The following FBXL13 variants were observed in gnomAD, a reference collection of about 807,000 sequenced individuals.
The protein encoded by FBXL13 is F-box and leucine rich repeat protein 13.
FBXL13 carries 67 observed loss-of-function variants against 83.6 expected under a neutral mutation model. The observed-to-expected ratio is 0.80, with a 90% CI of 0.66 to 0.98. FBXL13 has a LOEUF of 0.98. Among genes scored for constraint, FBXL13 ranks in the 50% least tolerant of loss-of-function variants. FBXL13 has a pLI of 0.00. For synonymous variants in FBXL13, 272 were observed against 299.5 expected (o/e 0.91, Z 0.95); for missense variants, 822 against 866.5 (o/e 0.95, Z 0.64).
intron 8 of FBXL13, among the ~76,000 whole-genome samples, chr7:102,954,846 C>G (rs1823996591): frequency 1.3e-5 from 2 of 152,120 alleles, no homozygotes; most frequent in East Asian, 1.9e-4. Context: ...AGATAACTAT[C>G]CTAAATATAT....
intron 10 of FBXL13, among the ~76,000 whole-genome samples, chr7:102,923,979 C>T (rs1384724079): frequency 6.6e-6 from 1 of 152,118 alleles, no homozygotes; most frequent in African/African-American, 2.4e-5. Context: ...GTGGCTCACA[C>T]TTGTAATCCC....
rs554981031 is a variant in FBXL13, at chr7:102,990,197, G to C, written c.496-22080C>G. On this transcript the variant is annotated intron_variant, in intron 6 of 19. Coordinates refer to ENST00000313221, the Ensembl canonical transcript of FBXL13. ...TGACCTAGTAAGAATGTAGGGCAAA[G>C]AGAGAGAGCCAAAGCCAACATCTGG... is the stretch of plus-strand genomic sequence containing the variant. 2.3e-3 allele frequency among the ~76,000 whole-genome samples: 353 copies of C among 152,350 alleles called. 3 individuals are homozygous for C. Among genetic ancestry groups the C allele is most frequent in the South Asian group, 7.5e-3 (36 of 4,830 alleles).
chr7:103,048,388 TCTTTC>T (rs1328154625), intron 2 of FBXL13, among the ~76,000 whole-genome samples: 1 of 109,160 alleles, frequency 9.2e-6, no homozygotes, highest in African/African-American at 2.6e-5. Flanking sequence ...CTGTCTTTTG[TCTTTC>T]CTTTCTTTTT....
intron 14 of FBXL13, among the ~76,000 whole-genome samples, chr7:102,881,575 T>TGG (rs138064866): frequency 3.4e-5 from 5 of 146,230 alleles, no homozygotes; most frequent in Non-Finnish European, 1.5e-5. Context: ...TGTGTGTGTG[T>TGG]GGGGGGGGTG....
At chr7:102,949,508 AC>A (rs898225822) in intron 8 of FBXL13, among the ~76,000 whole-genome samples, 1 of 152,062 alleles carries the variant, frequency 6.6e-6, no homozygotes, top group Non-Finnish European at 1.5e-5. Context: ...TCTTTGACAC[AC>A]TCAAGTTTTC....
At chr7:103,018,428 A>C (rs1179894310) in intron 6 of FBXL13, among the ~76,000 whole-genome samples, 1 of 152,238 alleles carries the variant, frequency 6.6e-6, no homozygotes, top group Non-Finnish European at 1.5e-5. Flanking sequence ...AATGAGCAAA[A>C]TAACCAGCTA....
intron 8 of FBXL13, among the ~76,000 whole-genome samples, chr7:102,940,354 C>A (rs946764909): frequency 6.6e-6 from 1 of 151,896 alleles, no homozygotes; most frequent in Non-Finnish European, 1.5e-5. Context: ...GAACTACAGG[C>A]ACCCGCCACC....
In FBXL13 at chr7:103,069,218, G is replaced by C. The variant is rs1014198873; in HGVS notation, c.-105+5028C>G. Among the ~76,000 whole-genome samples, 142 of 152,044 alleles carry C rather than the reference G, an allele frequency of 9.3e-4. 1 individual carries two copies. Among genetic ancestry groups the C allele is most frequent in the Admixed American group, 9.3e-3 (142 of 15,282 alleles). ...TGCCCCACAGTCTGGGAAGAGAGGA[G>C]CGCCTCTGCCCAGCCGCTGCACCTT... is the stretch of plus-strand genomic sequence containing the variant. On this transcript the variant is annotated intron_variant, in intron 1 of 19. Transcript: ENST00000313221.
rs550943019 is a variant in FBXL13, at chr7:102,912,710, T to C, written c.1008+376A>G. Reference sequence around the variant, plus strand: ...AAAAAAAAACCCATGTGGGAGTTAATTGACTTTTCAGGAATCCCATGCAAA... The same window carrying C: ...AAAAAAAAACCCATGTGGGAGTTAACTGACTTTTCAGGAATCCCATGCAAA... On this transcript the variant is annotated intron_variant, in intron 11 of 19. Coordinates refer to ENST00000313221, the Ensembl canonical transcript of FBXL13. Among the ~76,000 whole-genome samples, 36 of 136,696 alleles carry C rather than the reference T, an allele frequency of 2.6e-4. 1 individual carries two copies. The highest frequency in any genetic ancestry group is 8.6e-4 in the African/African-American group (32 of 37,012). 89.7% of individuals were successfully genotyped at this position (136,696 alleles called of 152,430 possible). A position where few individuals can be genotyped will look rare whatever the true frequency, so the allele number is the denominator to read the frequency against.
chr7:103,017,212 C>A (rs755452716), intron 6 of FBXL13, among the ~76,000 whole-genome samples: 1 of 151,952 alleles, frequency 6.6e-6, no homozygotes, highest in Non-Finnish European at 1.5e-5. Flanking sequence ...CCCAGGCAAA[C>A]AGTGTCTGGA....
intron 8 of FBXL13, among the ~76,000 whole-genome samples, chr7:102,963,253 G>A (rs1328817294): frequency 1.3e-5 from 2 of 151,266 alleles, no homozygotes; most frequent in Non-Finnish European, 2.9e-5. Context: ...CCCAGGAGCC[G>A]GAGGTTACAG....
chr7:102,974,032 C>A (rs1827120752), intron 6 of FBXL13, among the ~76,000 whole-genome samples: 1 of 152,154 alleles, frequency 6.6e-6, no homozygotes, highest in South Asian at 2.1e-4. Context: ...CGAGCCTACC[C>A]TCAGTTATGG....
intron 8 of FBXL13, among the ~76,000 whole-genome samples, chr7:102,953,983 C>G (rs1823828706): frequency 6.6e-6 from 1 of 152,138 alleles, no homozygotes; most frequent in African/African-American, 2.4e-5. Context: ...CGAATAGGAA[C>G]AGCTCCGGTC....
intron 8 of FBXL13, among the ~76,000 whole-genome samples, chr7:102,958,587 C>A (rs1303882251): frequency 6.7e-6 from 1 of 150,018 alleles, no homozygotes; most frequent in Non-Finnish European, 1.5e-5. Flanking sequence ...ACAGAGAGAG[C>A]AAATTTGGGT....
At chr7:102,932,822 T>C (rs1819483920) in intron 8 of FBXL13, among the ~76,000 whole-genome samples, 1 of 152,154 alleles carries the variant, frequency 6.6e-6, no homozygotes, top group Non-Finnish European at 1.5e-5. Context: ...CTGCTCAGAC[T>C]GGTCTCAAGA....
intron 6 of FBXL13, among the ~76,000 whole-genome samples, chr7:102,974,868 T>C (rs1585204048): frequency 1.3e-5 from 2 of 152,112 alleles, no homozygotes; most frequent in East Asian, 3.9e-4. Context: ...GCCCCCATCT[T>C]CCCAAGCAGC....
chr7:102,893,982 G>GAA (rs1285393702), intron 11 of FBXL13, among the ~76,000 whole-genome samples: 1 of 111,898 alleles, frequency 8.9e-6, no homozygotes, highest in African/African-American at 4.1e-5. Flanking sequence ...AAGAAAGAAA[G>GAA]AGGAAAGAAA....
At chr7:103,057,132 AT>A (rs1156353182) in intron 1 of FBXL13, among the ~76,000 whole-genome samples, 1 of 152,136 alleles carries the variant, frequency 6.6e-6, no homozygotes, top group Non-Finnish European at 1.5e-5. Flanking sequence ...ACTTTTTCTT[AT>A]ACAGTTAAAA....
downstream of FBXL13, chr7:102,813,209 G>T: frequency 1.3e-6 from 1 of 781,404 alleles, no homozygotes; most frequent in Non-Finnish European, 2.0e-6. Context: ...ATTTGTAGTT[G>T]GAATAAGAAT....
Sources: gnomAD v4.1 joint callset for allele counts (sites outside exome capture counted in the v4.1 genomes callset) on GRCh38, gnomAD v4.1.1 for gene constraint, MANE v1.5 for transcripts, NCBI Gene and HGNC (gene_info 2026-07-23, HGNC 2026-07-21) for gene names.